RNF144B: variants seen among roughly 807,000 people sequenced by gnomAD.
RNF144B encodes the protein E3 ubiquitin-protein ligase RNF144B.
In RNF144B, 25 loss-of-function variants were observed where a neutral mutation model predicts 40.2. The observed-to-expected ratio is 0.62, with a 90% CI of 0.45 to 0.87. The LOEUF is 0.87. RNF144B is among the 40% of genes least tolerant of loss of function. RNF144B has a pLI of 0.00. For missense variants in RNF144B, 365 were observed against 373.7 expected, an observed-to-expected ratio of 0.98 and a Z score of 0.19; for synonymous variants, 145 against 136.3, an observed-to-expected ratio of 1.06 and a Z score of -0.44.
intron 6 of RNF144B, among the ~76,000 whole-genome samples, 154 bp from the exon 7 acceptor site, chr6:18,463,137 C>T (rs1426465884): frequency 6.6e-6 from 1 of 152,038 alleles, no homozygotes; most frequent in Non-Finnish European, 1.5e-5. Context: ...TACAAAACTA[C>T]CAAGATAAAG....
Position 18,400,989 on chromosome 6 carries a change from T to C in RNF144B, c.165+1290T>C, listed in dbSNP as rs1329973704. Among the ~76,000 whole-genome samples, 1 of 152,246 alleles carries C rather than the reference T, an allele frequency of 6.6e-6. No homozygotes were observed. Among genetic ancestry groups the C allele is most frequent in the Non-Finnish European group, 1.5e-5 (1 of 68,052 alleles). ...CAACTTCAGTTTCCTTTGGTCTTGCTTTGTTTCTGAAGGCTGTCCTTCAAA... is the reference window on the plus strand; with the variant it reads ...CAACTTCAGTTTCCTTTGGTCTTGCCTTGTTTCTGAAGGCTGTCCTTCAAA... On this transcript the variant is annotated intron_variant, in intron 2 of 7. Coordinates refer to ENST00000259939, the MANE Select transcript of RNF144B (RefSeq NM_182757.4). The surrounding 1 kb of genome is among the most constrained non-coding windows in gnomAD (Gnocchi z 5.6).
At position 18,446,840 on chromosome 6, in the gene RNF144B, G is replaced by GGTGTGTGTGTGTGTGT. The variant is rs70974744; in HGVS notation, c.331+7115_331+7130dup. Reference sequence around the variant, plus strand: ...TAAAGTTTTATTGGTTCTATTTTAGGGTGTGTGTGTGTGTGTGTGTGTGTG... The same window carrying GGTGTGTGTGTGTGTGT: ...TAAAGTTTTATTGGTTCTATTTTAGGGTGTGTGTGTGTGTGTGTGTGTGTGTGTGTGTGTGTGTGTG... On this transcript the variant is annotated intron_variant, in intron 4 of 7. Coordinates refer to ENST00000259939, the MANE Select transcript of RNF144B (RefSeq NM_182757.4). This position sits in a 1 kb window ranked among gnomAD's most constrained non-coding sequence, Gnocchi z 4.7. Among the ~76,000 whole-genome samples, 1,004 of 147,984 alleles carry GGTGTGTGTGTGTGTGT rather than the reference G, an allele frequency of 6.8e-3. 16 individuals are homozygous for GGTGTGTGTGTGTGTGT. The highest frequency in any genetic ancestry group is 0.024 in the African/African-American group (946 of 39,994).
At chr6:18,392,035 T>TAA (rs10643409) in intron 1 of RNF144B, among the ~76,000 whole-genome samples, 20,346 of 70,920 alleles carry the variant, frequency 0.29, 4,325 homozygotes, top group Non-Finnish European at 0.39. Flanking sequence ...CCATCTCTAC[T>TAA]AAAAAAAAAA....
intron 4 of RNF144B, among the ~76,000 whole-genome samples, chr6:18,453,584 C>G (rs1018488722): frequency 5.3e-5 from 8 of 152,182 alleles, no homozygotes; most frequent in Admixed American, 2.0e-4. Flanking sequence ...ACATAGAAAC[C>G]TTATAGACAT....
Position 18,456,166 on chromosome 6 carries a change from C to T in RNF144B, c.332-989C>T, listed in dbSNP as rs1299168093. Among the ~76,000 whole-genome samples the T allele has an allele frequency of 2.0e-5, 3 of 152,186 alleles. No homozygotes were observed. The highest frequency in any genetic ancestry group is 4.4e-5 in the Non-Finnish European group (3 of 68,034). On this transcript the variant is annotated intron_variant, in intron 4 of 7. Transcript: ENST00000259939. The surrounding 1 kb of genome is among the most constrained non-coding windows in gnomAD (Gnocchi z 4.7). ...CTTGATCTCCTAACCTTGTGATCCG[C>T]CTACCTCAGCCTCCCAAAGTGCTGG...
chr6:18,428,168 C>T (rs759194580), intron 3 of RNF144B, among the ~76,000 whole-genome samples: 4 of 152,126 alleles, frequency 2.6e-5, no homozygotes, highest in South Asian at 2.1e-4. Context: ...CTCCTTGCTG[C>T]GGCCATGTGA....
chr6:18,390,009 C>T (rs902542760), intron 1 of RNF144B, among the ~76,000 whole-genome samples: 1 of 152,154 alleles, frequency 6.6e-6, no homozygotes, highest in African/African-American at 2.4e-5. Context: ...TACTGAGTGA[C>T]TGATTTGCTA....
At chr6:18,463,260 A>T in intron 6 of RNF144B, 31 bp from the exon 7 acceptor site, 1 of 1,386,532 alleles carries the variant, frequency 7.2e-7, no homozygotes, top group Non-Finnish European at 1.0e-6. Flanking sequence ...AAAACTGCAT[A>T]TTTACTGAAA....
chr6:18,392,655 G>A (rs1363752772), intron 1 of RNF144B, among the ~76,000 whole-genome samples: 2 of 152,142 alleles, frequency 1.3e-5, no homozygotes, highest in Non-Finnish European at 2.9e-5. Flanking sequence ...CCATGAAACA[G>A]TGGCGAGAAA....
At position 18,421,169 on chromosome 6, in the gene RNF144B, T is replaced by G. The variant is rs761266196; in HGVS notation, c.166-6412T>G. On this transcript the variant is annotated intron_variant, in intron 2 of 7. Transcript: ENST00000259939. ...TCAGAGGCTGAGGTGAGAAGATTGC[T>G]TGACCCCAGGAGGCAGAGGTTGCAG... is the stretch of plus-strand genomic sequence containing the variant. 3.0e-4 allele frequency among the ~76,000 whole-genome samples: 45 copies of G among 151,756 alleles called. 1 individual carries two copies. The highest frequency in any genetic ancestry group is 5.4e-4 in the Non-Finnish European group (37 of 67,964).
In RNF144B at chr6:18,441,790, G is replaced by T. The variant is rs1037739780; in HGVS notation, c.331+2046G>T. Among the ~76,000 whole-genome samples the T allele has an allele frequency of 9.9e-5, 15 of 152,168 alleles. No homozygotes were observed. The highest frequency in any genetic ancestry group is 1.6e-4 in the Non-Finnish European group (11 of 68,030). ...CTCATCTGTGAAATGGGGATAACAA[G>T]TATCTCTGTACCACAGGGTTGTGAT... On this transcript the variant is annotated intron_variant, in intron 4 of 7. Coordinates refer to ENST00000259939, the MANE Select transcript of RNF144B (RefSeq NM_182757.4). The surrounding 1 kb of genome is among the most constrained non-coding windows in gnomAD (Gnocchi z 4.9).
chr6:18,463,506 G>T, intron 7 of RNF144B, 126 bp downstream of exon 7: 1 of 654,022 alleles, frequency 1.5e-6, no homozygotes. Context: ...CTTCTGGGGA[G>T]TGTTAGGGCA....
chr6:18,411,061 T>G (rs1795022517), intron 2 of RNF144B, among the ~76,000 whole-genome samples: 1 of 151,654 alleles, frequency 6.6e-6, no homozygotes, highest in African/African-American at 2.4e-5. Flanking sequence ...CTCTGCTCAC[T>G]GCAACCTCCG....
rs576423481 is a variant in RNF144B, at chr6:18,442,771, CAT to C, written c.331+3030_331+3031del. Among the ~76,000 whole-genome samples the C allele has an allele frequency of 2.2e-4, 34 of 152,314 alleles. No homozygotes were observed. The South Asian group carries it at 5.4e-3, about 24-fold the overall frequency. On this transcript the variant is annotated intron_variant, in intron 4 of 7. Transcript: ENST00000259939. This position sits in a 1 kb window ranked among gnomAD's most constrained non-coding sequence, Gnocchi z 4.3. ...TCTTATTTGCCTAGCCTAGATATTT[CAT>C]ATGAGTGGAATCATACAATATCTGT...
chr6:18,431,636 C>G (rs1178457282), intron 3 of RNF144B, among the ~76,000 whole-genome samples: 2 of 152,190 alleles, frequency 1.3e-5, no homozygotes, highest in African/African-American at 2.4e-5. Flanking sequence ...CATAAATATA[C>G]TTTGCTTGTT....
chr6:18,409,567 T>TTTTTC (rs1194944879), intron 2 of RNF144B, among the ~76,000 whole-genome samples: 2 of 144,296 alleles, frequency 1.4e-5, no homozygotes, highest in Non-Finnish European at 3.1e-5. Context: ...TAACCTTTTT[T>TTTTTC]TTTTTTTTTT....
intron 3 of RNF144B, among the ~76,000 whole-genome samples, chr6:18,431,751 A>C (rs1278997919): frequency 6.6e-6 from 1 of 152,220 alleles, no homozygotes; most frequent in Non-Finnish European, 1.5e-5. Flanking sequence ...TTTAAGTCTA[A>C]CATTTCTTCA....
intron 4 of RNF144B, among the ~76,000 whole-genome samples, chr6:18,453,151 T>G (rs1759248553): frequency 6.7e-6 from 1 of 148,770 alleles, no homozygotes; most frequent in Non-Finnish European, 1.5e-5. Context: ...TTTTTTTTTT[T>G]TTTTTGAGAT....
rs1794675035 is a variant in RNF144B at position 18,395,511 on chromosome 6, C to T, written c.-36-3988C>T. Among the ~76,000 whole-genome samples the T allele has an allele frequency of 2.6e-5, 4 of 152,040 alleles. 1 individual carries two copies. In the South Asian group the frequency reaches 6.2e-4, roughly 24 times the overall value. On this transcript the variant is annotated intron_variant, in intron 1 of 7. Transcript: ENST00000259939. The surrounding 1 kb of genome is among the most constrained non-coding windows in gnomAD (Gnocchi z 4.5). ...ATTCATTAGAGGCTTTCAGGATTCT[C>T]CTGTTTACTGATTGAAGAGCTCATT...
Sources: gnomAD v4.1 joint callset for allele counts (sites outside exome capture counted in the v4.1 genomes callset) on GRCh38, gnomAD v4.1.1 for gene constraint, Gnocchi (gnomAD v3.1) non-coding constraint, MANE v1.5 for transcripts, NCBI Gene and HGNC (gene_info 2026-07-23, HGNC 2026-07-21) for gene names.